SPRYD7: variants seen among roughly 807,000 people sequenced by gnomAD.
The protein encoded by SPRYD7 is SPRY domain containing 7, also known as SPRY domain-containing protein 7.
A neutral mutation model predicts 23.8 loss-of-function variants in SPRYD7; 14 were observed. The ratio of observed to expected loss-of-function variants is 0.59; its 90% CI spans 0.39 to 0.92. The LOEUF (loss-of-function observed/expected upper bound fraction) is 0.92, where lower values mean the gene tolerates loss of function less well. Among genes scored for constraint, SPRYD7 ranks in the 40% least tolerant of loss-of-function variants. SPRYD7 has a pLI of 0.00. For synonymous variants in SPRYD7, 75 were observed against 84.9 expected (o/e 0.88, Z 0.64); for missense variants, 194 against 241.7 (o/e 0.80, Z 1.31).
intron 1 of SPRYD7, among the ~76,000 whole-genome samples, chr13:49,934,572 A>G (rs568146960): frequency 8.7e-5 from 13 of 149,740 alleles, no homozygotes; most frequent in East Asian, 1.9e-4. Context: ...AAAAAAAAAA[A>G]AAAAAGAAAA....
In SPRYD7 at chr13:49,936,224, C is replaced by A; in HGVS notation, c.12G>T (p.Ser4=). The A allele has an allele frequency of 6.2e-7, 1 of 1,603,840 alleles. No homozygotes were observed. The highest frequency in any genetic ancestry group is 8.5e-7 in the Non-Finnish European group (1 of 1,177,324). ...TGCAGCACCGCAGGCAGCACAACAC[C>A]GAGGTGGCCATCGCGCAGGGACCAC... MAT[S]VLCCLRCCRD... Residue 4 remains serine (S), a synonymous_variant, in exon 1 of 5, where the codon TCG becomes TCT. Coordinates refer to ENST00000361840, the MANE Select transcript of SPRYD7 (RefSeq NM_020456.4).
chr13:49,917,951 G>A (rs758090247), intron 4 of SPRYD7, among the ~76,000 whole-genome samples: 5 of 152,046 alleles, frequency 3.3e-5, no homozygotes. Context: ...TAAACTAAAA[G>A]GTAATCACAA....
Position 49,936,191 on chromosome 13 carries a change from C to T in SPRYD7, c.45G>A (p.Gly15=). ...VLCCLRCCRD[G]GTGHIPLKEM... Reference sequence around the variant, plus strand: ...CCTTCAGAGGGATGTGGCCAGTCCCCCCGTCTCTGCAGCACCGCAGGCAGC... The same window carrying T: ...CCTTCAGAGGGATGTGGCCAGTCCCTCCGTCTCTGCAGCACCGCAGGCAGC... The change falls in exon 1 of 5, where the codon GGG becomes GGA. Residue 15 remains glycine, a synonymous_variant. Transcript: ENST00000361840. The T allele has an allele frequency of 6.2e-7, 1 of 1,609,696 alleles. No individual in the cohort carries two copies.
intron 4 of SPRYD7, among the ~76,000 whole-genome samples, chr13:49,916,592 C>T (rs923997674): frequency 3.3e-5 from 5 of 150,390 alleles, no homozygotes; most frequent in Non-Finnish European, 5.9e-5. Context: ...CATGTACCCC[C>T]GAACCTAAAT....
At chr13:49,919,578 T>A (rs1179638198) in intron 4 of SPRYD7, among the ~76,000 whole-genome samples, 1 of 150,100 alleles carries the variant, frequency 6.7e-6, no homozygotes, top group Non-Finnish European at 1.5e-5. Flanking sequence ...ACCCCAAAAG[T>A]TAGCTGGGTG....
Position 49,921,672 on chromosome 13 carries a change from G to C in SPRYD7, c.391-92C>G. ...TGGAAACACAAAAAGCTAAGCATAG[G>C]CTGACAACAATTTTCATTAAGGGTT... On this transcript the variant is annotated intron_variant, in intron 3 of 4. Coordinates refer to ENST00000361840, the MANE Select transcript of SPRYD7 (RefSeq NM_020456.4). The C allele has an allele frequency of 1.6e-5, 12 of 748,572 alleles. No homozygotes were observed. The South Asian group carries it at 1.9e-4, about 12-fold the overall frequency. 46.4% of individuals were successfully genotyped at this position (748,572 alleles called of 1,614,324 possible).
chr13:49,919,791 T>C (rs1262679637), intron 4 of SPRYD7, among the ~76,000 whole-genome samples: 1 of 150,012 alleles, frequency 6.7e-6, no homozygotes. Flanking sequence ...ATAAAGACAT[T>C]GTGGTTATGT....
At chr13:49,930,840 C>G (rs1955939769) in intron 2 of SPRYD7, among the ~76,000 whole-genome samples, 178 bp downstream of exon 2, 1 of 152,086 alleles carries the variant, frequency 6.6e-6, no homozygotes, top group African/African-American at 2.4e-5. Flanking sequence ...GAAAACTGAA[C>G]CTAATTTAAC....
At chr13:49,919,327 G>C (rs1322436783) in intron 4 of SPRYD7, among the ~76,000 whole-genome samples, 1 of 151,816 alleles carries the variant, frequency 6.6e-6, no homozygotes, top group East Asian at 2.0e-4. Flanking sequence ...GGGCAGAACA[G>C]AAGGTCAAGA....
At chr13:49,924,238 C>T (rs1013742224) in intron 3 of SPRYD7, among the ~76,000 whole-genome samples, 3 of 152,008 alleles carry the variant, frequency 2.0e-5, no homozygotes, top group Non-Finnish European at 2.9e-5. Context: ...CTGCCCACCT[C>T]GGCCTCCCAA....
intron 2 of SPRYD7, among the ~76,000 whole-genome samples, chr13:49,929,910 C>T (rs926584863): frequency 6.6e-6 from 1 of 152,140 alleles, no homozygotes; most frequent in African/African-American, 2.4e-5. Flanking sequence ...CTGCCTTAGC[C>T]TCCCGAGTAA....
chr13:49,928,521 A>G lies in SPRYD7; in HGVS notation c.224-436T>C, dbSNP rs1955909942. On this transcript the variant is annotated intron_variant, in intron 2 of 4. Coordinates refer to ENST00000361840, the MANE Select transcript of SPRYD7 (RefSeq NM_020456.4). ...TGTAGTACAGCCTAGGAGATAAGAG[A>G]GTGGGCCCTGGAACAGTGCAAATGA... Among the ~76,000 whole-genome samples the G allele has an allele frequency of 4.6e-5, 7 of 152,218 alleles. No homozygotes were observed. In the South Asian group the frequency reaches 1.4e-3, roughly 31 times the overall value.
intron 1 of SPRYD7, among the ~76,000 whole-genome samples, chr13:49,934,969 G>GA (rs1449942134): frequency 6.6e-6 from 1 of 152,176 alleles, no homozygotes; most frequent in African/African-American, 2.4e-5. Context: ...TATAGAATTT[G>GA]AACTCCATCG....
chr13:49,920,979 T>C (rs573149165), intron 4 of SPRYD7, among the ~76,000 whole-genome samples: 139 of 151,900 alleles, frequency 9.2e-4, no homozygotes, highest in African/African-American at 3.0e-3. Context: ...AATAAATAAA[T>C]AAAATAAAAA....
At chr13:49,924,996 A>T (rs1008770225) in intron 3 of SPRYD7, among the ~76,000 whole-genome samples, 1,532 of 83,702 alleles carry the variant, frequency 0.018, 70 homozygotes, top group Admixed American at 0.12. Flanking sequence ...AAATAAATAA[A>T]TAATAATAAT....
chr13:49,925,680 C>T (rs998656879), intron 3 of SPRYD7, among the ~76,000 whole-genome samples: 3 of 151,796 alleles, frequency 2.0e-5, no homozygotes, highest in Non-Finnish European at 2.9e-5. Flanking sequence ...GTCGTGGTGG[C>T]GGGCGCCTGT....
At chr13:49,919,286 C>A (rs1955789310) in intron 4 of SPRYD7, among the ~76,000 whole-genome samples, 3 of 151,710 alleles carry the variant, frequency 2.0e-5, no homozygotes, top group African/African-American at 7.3e-5. Flanking sequence ...GTGCTCACAC[C>A]TATAATCCCA....
chr13:49,923,968 GT>G (rs1213738417), intron 3 of SPRYD7, among the ~76,000 whole-genome samples: 1 of 148,100 alleles, frequency 6.8e-6, no homozygotes, highest in Non-Finnish European at 1.5e-5. Flanking sequence ...TTTTGTTTTT[GT>G]TTTTGAGACA....
In SPRYD7 at chr13:49,935,452, T is replaced by C. The variant is rs187786513; in HGVS notation, c.106+678A>G. On this transcript the variant is annotated intron_variant, in intron 1 of 4. Transcript: ENST00000361840. ...AGAATGTTAGATAAATTATATGGAT[T>C]TGGAATTAAAAGGATAAAGCAAGAT... Among the ~76,000 whole-genome samples the C allele has an allele frequency of 3.3e-3, 506 of 152,222 alleles. 3 individuals carry two copies. The highest frequency in any genetic ancestry group is 6.1e-3 in the Non-Finnish European group (417 of 68,012).
Sources: allele counts gnomAD v4.1 joint callset (sites outside exome capture counted in the v4.1 genomes callset), GRCh38; gene constraint gnomAD v4.1.1; transcripts MANE v1.5; gene names NCBI Gene and HGNC (gene_info 2026-07-23, HGNC 2026-07-21).